LTBP1: variants seen among roughly 807,000 people sequenced by gnomAD.
LTBP1 encodes latent-transforming growth factor beta-binding protein 1.
LTBP1 carries 129 observed loss-of-function variants against 207.6 expected under a neutral mutation model. The ratio of observed to expected loss-of-function variants is 0.62; its 90% CI spans 0.54 to 0.72. LTBP1 has a LOEUF of 0.72. LTBP1 is among the 30% of genes least tolerant of loss of function. LTBP1 has a pLI of 0.00. For missense variants in LTBP1, 2,281 were observed against 2,217.2 expected (o/e 1.03, Z -0.58); for synonymous variants, 963 against 833.7 (o/e 1.16, Z -2.67).
chr2:33,318,718 A>G (rs2094309460), intron 24 of LTBP1, among the ~76,000 whole-genome samples: 1 of 152,162 alleles, frequency 6.6e-6, no homozygotes. Context: ...TTCACGCTAT[A>G]GCCAGAGCTT....
At chr2:33,369,843 C>G (rs1321478299) in intron 31 of LTBP1, among the ~76,000 whole-genome samples, 1 of 152,224 alleles carries the variant, frequency 6.6e-6, no homozygotes, top group Non-Finnish European at 1.5e-5. Flanking sequence ...TCCACAGGTC[C>G]TATGATTAGT....
At chr2:33,287,984 G>A (rs2093697909) in intron 19 of LTBP1, among the ~76,000 whole-genome samples, 1 of 152,184 alleles carries the variant, frequency 6.6e-6, no homozygotes, top group African/African-American at 2.4e-5. Flanking sequence ...TAGTTGAGGA[G>A]TCGCTGGAGT....
At chr2:33,201,687 A>G (rs1291771992) in intron 7 of LTBP1, among the ~76,000 whole-genome samples, 1 of 152,212 alleles carries the variant, frequency 6.6e-6, no homozygotes, top group African/African-American at 2.4e-5. Context: ...TAAGGTCTTT[A>G]TACATATTCT....
chr2:33,031,503 G>C (rs1203906280), intron 3 of LTBP1, among the ~76,000 whole-genome samples: 1 of 152,170 alleles, frequency 6.6e-6, no homozygotes, highest in African/African-American at 2.4e-5. Flanking sequence ...GCAAAATACT[G>C]AATAACATAG....
At chr2:33,162,675 T>C (rs547310217) in intron 5 of LTBP1, among the ~76,000 whole-genome samples, 1 of 152,258 alleles carries the variant, frequency 6.6e-6, no homozygotes, top group Non-Finnish European at 1.5e-5. Context: ...TATTCATATG[T>C]ATACCCTTTC....
intron 9 of LTBP1, among the ~76,000 whole-genome samples, chr2:33,225,974 T>C (rs2091413457): frequency 6.6e-6 from 1 of 152,226 alleles, no homozygotes. Flanking sequence ...TCTGTATCCA[T>C]TCATGTATTT....
At chr2:33,157,359 T>A (rs1037216519) in intron 5 of LTBP1, among the ~76,000 whole-genome samples, 3 of 152,236 alleles carry the variant, frequency 2.0e-5, no homozygotes, top group Admixed American at 2.0e-4. Flanking sequence ...TCTGAACAGT[T>A]GAAAGCTGAT....
chr2:32,957,202 A>G (rs1453701356), intron 2 of LTBP1, among the ~76,000 whole-genome samples: 3 of 152,218 alleles, frequency 2.0e-5, no homozygotes, highest in Non-Finnish European at 4.4e-5. Flanking sequence ...CCTTTGAAAC[A>G]TTGAGGCCAG....
intron 26 of LTBP1, among the ~76,000 whole-genome samples, chr2:33,350,369 C>A (rs1422226860): frequency 6.6e-6 from 1 of 152,130 alleles, no homozygotes; most frequent in East Asian, 1.9e-4. Context: ...GGTTTCAGGT[C>A]AGTATCCAGA....
chr2:33,377,150 C>G (rs1234364214), intron 31 of LTBP1, among the ~76,000 whole-genome samples: 5 of 152,180 alleles, frequency 3.3e-5, no homozygotes, highest in Non-Finnish European at 7.3e-5. Flanking sequence ...TCCTTCATTT[C>G]TTGCTAAACT....
intron 2 of LTBP1, among the ~76,000 whole-genome samples, chr2:32,965,432 T>C (rs944357017): frequency 3.3e-5 from 5 of 152,184 alleles, no homozygotes; most frequent in Non-Finnish European, 5.9e-5. Context: ...TACAGTATCA[T>C]AGAGAATAGT....
At chr2:33,320,396 G>GAA (rs57890814) in intron 24 of LTBP1, among the ~76,000 whole-genome samples, 1,737 of 124,780 alleles carry the variant, frequency 0.014, 27 homozygotes, top group Middle Eastern at 0.042. Flanking sequence ...TAAACTCTGT[G>GAA]AAAAAAAAAA....
At chr2:33,215,524 C>T (rs2090608287) in intron 7 of LTBP1, among the ~76,000 whole-genome samples, 2 of 152,092 alleles carry the variant, frequency 1.3e-5, no homozygotes, top group Admixed American at 1.3e-4. Context: ...TATGTAGTTA[C>T]TTAGCGCCTC....
Position 33,301,575 on chromosome 2 carries a change from A to G in LTBP1, c.3412A>G (p.Thr1138Ala), listed in dbSNP as rs1302074971. 5.0e-6 allele frequency: 8 copies of G among 1,613,322 alleles called. No individual in the cohort carries two copies. The highest frequency in any genetic ancestry group is 6.8e-6 in the Non-Finnish European group (8 of 1,179,678). The stretch of plus-strand genomic sequence containing the variant: ...CTGTGCTCATGGGCAGTGCAGGAAC[A>G]CTGAGGGCTCTTTTCAATGTGTGTG... The part of the protein sequence containing the change: ...HLCAHGQCRN[T>A]EGSFQCVCDQ... The change falls in exon 22 of 34, where the codon ACT (threonine) becomes GCT (alanine). Residue 1138 changes from threonine (T) to alanine (A), a missense_variant. Thr to Ala is a moderately conservative substitution (Grantham distance 58). Around this residue, in one of 3 missense-constraint regions of LTBP1, gnomAD observed 1,671 missense variants for 1,634.8 expected, o/e 1.02. Transcript: ENST00000404816.
chr2:33,007,170 T>G (rs1213999486), intron 2 of LTBP1, among the ~76,000 whole-genome samples: 4 of 152,210 alleles, frequency 2.6e-5, no homozygotes, highest in African/African-American at 9.6e-5. Flanking sequence ...GTTCAAGTGA[T>G]TCTCTTGCCT....
intron 4 of LTBP1, among the ~76,000 whole-genome samples, chr2:33,116,304 A>G (rs2080742494): frequency 6.6e-6 from 1 of 152,258 alleles, no homozygotes; most frequent in South Asian, 2.1e-4. Context: ...CGTTCTCTCA[A>G]GATGGGCTTA....
intron 24 of LTBP1, 106 bp from the exon 25 acceptor site, chr2:33,342,732 T>TCA: frequency 9.6e-7 from 1 of 1,046,978 alleles, no homozygotes; most frequent in Non-Finnish European, 1.4e-6. Context: ...CATCTCATCA[T>TCA]CACACACTAA....
chr2:32,971,305 CT>C lies in LTBP1; in HGVS notation c.565+22361del, dbSNP rs1244181484. On this transcript the variant is annotated intron_variant, in intron 2 of 33. Coordinates refer to ENST00000404816, the MANE Select transcript of LTBP1 (RefSeq NM_206943.4). ...TATTTCTTTCTCTTGCCTGATTTCT[CT>C]GGCTAAGACTTCCAGTAATATATTG... Among the ~76,000 whole-genome samples, 4 of 152,122 alleles carry C rather than the reference CT, an allele frequency of 2.6e-5. No individual in the cohort carries two copies. The East Asian group carries it at 7.7e-4, about 29-fold the overall frequency.
intron 10 of LTBP1, among the ~76,000 whole-genome samples, chr2:33,248,634 T>G (rs1452775801): frequency 1.3e-5 from 2 of 151,526 alleles, no homozygotes; most frequent in Non-Finnish European, 2.9e-5. Flanking sequence ...CTGCCCAGGC[T>G]GGAGTGCAGT....
Sources: gnomAD v4.1 joint callset for allele counts (sites outside exome capture counted in the v4.1 genomes callset) on GRCh38, gnomAD v4.1.1 for gene constraint, gnomAD v4.1.1 regional missense constraint, MANE v1.5 for transcripts, NCBI Gene and HGNC (gene_info 2026-07-23, HGNC 2026-07-21) for gene names.